The following PTPRG variants were observed in gnomAD, a reference collection of about 807,000 sequenced individuals.
The protein encoded by PTPRG is receptor-type tyrosine-protein phosphatase gamma.
A neutral mutation model predicts 165.3 loss-of-function variants in PTPRG; 102 were observed. The observed-to-expected ratio is 0.62, with a 90% CI of 0.53 to 0.73. PTPRG has a LOEUF of 0.73. Among genes scored for constraint, PTPRG ranks in the 30% least tolerant of loss-of-function variants. The pLI is 0.00. For missense variants in PTPRG, 1,866 were observed against 1,861.4 expected, an observed-to-expected ratio of 1.00 and a Z score of -0.05; for synonymous variants, 675 against 669.5, an observed-to-expected ratio of 1.01 and a Z score of -0.13.
chr3:62,008,732 G>A (rs531223739), intron 4 of PTPRG, among the ~76,000 whole-genome samples: 2 of 152,334 alleles, frequency 1.3e-5, no homozygotes, highest in South Asian at 4.1e-4. Flanking sequence ...CAGATCATCA[G>A]GCATTAGTTG....
intron 2 of PTPRG, among the ~76,000 whole-genome samples, chr3:61,872,479 C>T (rs918049750): frequency 2.6e-5 from 4 of 152,078 alleles, no homozygotes; most frequent in African/African-American, 4.8e-5. Context: ...TTTGTCTGGC[C>T]GAACTCCAAA....
rs5849464 is a variant in PTPRG, at chr3:62,160,864, ATTTTT to A, written c.840+3660_840+3664del. ...TACTTTGTTTACCTTTAGATGTGTGATTTTTTTTTTTTTTTTTTTTTTTTCTGACA... is the reference window on the plus strand; with the variant it reads ...TACTTTGTTTACCTTTAGATGTGTGATTTTTTTTTTTTTTTTTTTCTGACA... On this transcript the variant is annotated intron_variant, in intron 7 of 29. Transcript: ENST00000474889. Among the ~76,000 whole-genome samples the A allele has an allele frequency of 4.9e-3, 507 of 103,984 alleles. 4 individuals carry two copies. The highest frequency in any genetic ancestry group is 0.017 in the African/African-American group (459 of 26,502). The allele number at this position is 103,984 out of a possible 152,430, so 68.2% of individuals were successfully genotyped here.
At chr3:61,641,537 C>T (rs1004252895) in intron 1 of PTPRG, among the ~76,000 whole-genome samples, 1 of 152,208 alleles carries the variant, frequency 6.6e-6, no homozygotes, top group Non-Finnish European at 1.5e-5. Context: ...GGAAGAATCA[C>T]CGAGTTAGTT....
intron 5 of PTPRG, among the ~76,000 whole-genome samples, chr3:62,080,381 C>G (rs1249149974): frequency 6.6e-6 from 1 of 152,014 alleles, no homozygotes; most frequent in African/African-American, 2.4e-5. Context: ...CAGCCCCCTT[C>G]TGTTCTTAAA....
chr3:61,932,024 T>C (rs1439051348), intron 2 of PTPRG, among the ~76,000 whole-genome samples: 1 of 152,210 alleles, frequency 6.6e-6, no homozygotes, highest in Non-Finnish European at 1.5e-5. Context: ...CATTTTTTAT[T>C]TTTTTACTAT....
intron 5 of PTPRG, among the ~76,000 whole-genome samples, chr3:62,123,035 A>T (rs1470359407): frequency 6.6e-6 from 1 of 152,180 alleles, no homozygotes; most frequent in Non-Finnish European, 1.5e-5. Context: ...TTATCTACTG[A>T]TATGGAGCAA....
Position 62,292,465 on chromosome 3 carries a change from T to C in PTPRG, c.4100T>C (p.Leu1367Pro), listed in dbSNP as rs921921872. 1 of 1,613,708 alleles carries C rather than the reference T, an allele frequency of 6.2e-7. No homozygotes were observed. The highest frequency in any genetic ancestry group is 1.1e-5 in the South Asian group (1 of 91,062). ...SAGMLCALTT[L>P]SQQLENENAV... The stretch of plus-strand genomic sequence containing the variant: ...GGAATGTTATGTGCCCTTACCACCC[T>C]GTCCCAGCAACTGGAGAATGAAAAT... Residue 1367 changes from leucine (L) to proline (P), a missense_variant, in exon 29 of 30, where the codon CTG (leucine) becomes CCG (proline). Physicochemically the swap from Leu to Pro is moderately conservative, Grantham distance 98. Transcript: ENST00000474889.
At chr3:61,692,114 G>C (rs1400417687) in intron 1 of PTPRG, among the ~76,000 whole-genome samples, 1 of 152,206 alleles carries the variant, frequency 6.6e-6, no homozygotes, top group East Asian at 1.9e-4. Flanking sequence ...CTCCTACGCA[G>C]AGTTTTCTCC....
intron 5 of PTPRG, 34 bp from the exon 6 acceptor site, chr3:62,132,568 T>G: frequency 6.6e-7 from 1 of 1,518,892 alleles, no homozygotes; most frequent in Non-Finnish European, 9.1e-7. Flanking sequence ...GATGCCAGAA[T>G]AGATTTAACC....
chr3:61,686,750 T>C (rs1703644900), intron 1 of PTPRG, among the ~76,000 whole-genome samples: 1 of 152,194 alleles, frequency 6.6e-6, no homozygotes, highest in Non-Finnish European at 1.5e-5. Context: ...CAGATACATA[T>C]GTTTGTCTGT....
At chr3:62,046,849 G>T (rs551931928) in intron 4 of PTPRG, among the ~76,000 whole-genome samples, 1 of 152,166 alleles carries the variant, frequency 6.6e-6, no homozygotes, top group Admixed American at 6.5e-5. Context: ...TGCAGTATGC[G>T]TGGAGAAAAG....
intron 4 of PTPRG, among the ~76,000 whole-genome samples, chr3:62,025,794 A>G (rs895451074): frequency 1.3e-5 from 2 of 152,220 alleles, no homozygotes; most frequent in Non-Finnish European, 1.5e-5. Context: ...TATAGTCTTC[A>G]GTGATGACCT....
chr3:61,622,594 T>C (rs1284858502), intron 1 of PTPRG, among the ~76,000 whole-genome samples: 6 of 152,216 alleles, frequency 3.9e-5, no homozygotes, highest in Admixed American at 3.9e-4. Context: ...TCTTGTAAAT[T>C]ACTTTCCTCT....
intron 4 of PTPRG, among the ~76,000 whole-genome samples, chr3:62,054,358 A>C (rs1468704889): frequency 6.6e-6 from 1 of 152,142 alleles, no homozygotes; most frequent in Non-Finnish European, 1.5e-5. Flanking sequence ...CCTTCTCTCC[A>C]GTTGGTCTTT....
intron 1 of PTPRG, among the ~76,000 whole-genome samples, chr3:61,635,084 A>T (rs961970857): frequency 1.3e-5 from 2 of 152,146 alleles, no homozygotes; most frequent in Non-Finnish European, 2.9e-5. Context: ...TTAAATTCAC[A>T]TATGGACTTC....
At chr3:62,061,172 T>C (rs1406695009) in intron 4 of PTPRG, among the ~76,000 whole-genome samples, 1 of 152,240 alleles carries the variant, frequency 6.6e-6, no homozygotes, top group Non-Finnish European at 1.5e-5. Context: ...TCCTGGAGTT[T>C]TTAATGGGCA....
intron 5 of PTPRG, among the ~76,000 whole-genome samples, chr3:62,119,612 T>A (rs913714358): frequency 2.6e-4 from 40 of 151,404 alleles, no homozygotes; most frequent in South Asian, 4.2e-4. Flanking sequence ...TTTTTTTTTT[T>A]AATTTTTTTA....
At chr3:61,742,369 T>A (rs1209769521) in intron 1 of PTPRG, 4 of 992,420 alleles carry the variant, frequency 4.0e-6, no homozygotes, top group Non-Finnish European at 5.8e-6. Flanking sequence ...CTTAGGACAT[T>A]TTTATAGGAA....
At chr3:62,184,959 A>G (rs1010387319) in intron 8 of PTPRG, among the ~76,000 whole-genome samples, 2 of 151,750 alleles carry the variant, frequency 1.3e-5, no homozygotes, top group African/African-American at 2.4e-5. Flanking sequence ...CTTGGAAATT[A>G]CACTGACTTT....
Sources: gnomAD v4.1 joint callset for allele counts (sites outside exome capture counted in the v4.1 genomes callset) on GRCh38, gnomAD v4.1.1 for gene constraint, MANE v1.5 for transcripts, NCBI Gene and HGNC (gene_info 2026-07-23, HGNC 2026-07-21) for gene names.